The following DPYD variants were observed in gnomAD, a reference collection of about 807,000 sequenced individuals.
DPYD encodes the protein dihydropyrimidine dehydrogenase.
A neutral mutation model predicts 116.2 loss-of-function variants in DPYD; 109 were observed. That is an observed-to-expected ratio of 0.94 (90% CI 0.80 to 1.10). The LOEUF (loss-of-function observed/expected upper bound fraction) is 1.10, where lower values mean the gene tolerates loss of function less well. Ranked by LOEUF, DPYD falls within the 50% of genes least tolerant of loss-of-function variation. The pLI, the probability that DPYD is intolerant of heterozygous loss-of-function variation, is 0.00. For synonymous variants in DPYD, 440 were observed against 432.0 expected, an observed-to-expected ratio of 1.02 and a Z score of -0.23; for missense variants, 1,302 against 1,254.5, an observed-to-expected ratio of 1.04 and a Z score of -0.57.
chr1:97,914,166 T>C (rs867127581), intron 1 of DPYD, among the ~76,000 whole-genome samples: 3 of 152,222 alleles, frequency 2.0e-5, no homozygotes, highest in Middle Eastern at 6.8e-3. Context: ...GAAATTATTA[T>C]AGCTAGTATA....
At chr1:97,280,301 T>A (rs1665237646) in intron 18 of DPYD, 1 of 151,954 alleles carries the variant, frequency 6.6e-6, no homozygotes. Flanking sequence ...TATATACGCA[T>A]TGAAGGGAAA....
At chr1:97,407,175 TTAA>T (rs1484376704) in intron 14 of DPYD, among the ~76,000 whole-genome samples, 2 of 151,964 alleles carry the variant, frequency 1.3e-5, no homozygotes, top group Non-Finnish European at 2.9e-5. Context: ...AAAAAAGAGG[TTAA>T]TAATAAAATA....
chr1:97,490,849 G>T (rs1477578738), intron 13 of DPYD, among the ~76,000 whole-genome samples: 1 of 148,872 alleles, frequency 6.7e-6, no homozygotes, highest in Non-Finnish European at 1.5e-5. Context: ...CCAAAAAACT[G>T]ATTTTCAAGC....
At chr1:97,845,618 C>T (rs1246329892) in intron 2 of DPYD, among the ~76,000 whole-genome samples, 1 of 152,174 alleles carries the variant, frequency 6.6e-6, no homozygotes, top group Non-Finnish European at 1.5e-5. Context: ...GGGACAAGAA[C>T]TCAGGACCCA....
intron 19 of DPYD, among the ~76,000 whole-genome samples, chr1:97,225,218 T>G (rs1661058859): frequency 6.6e-6 from 1 of 152,076 alleles, no homozygotes; most frequent in Non-Finnish European, 1.5e-5. Flanking sequence ...TCCCCAACAA[T>G]GAACAAAAGT....
intron 12 of DPYD, among the ~76,000 whole-genome samples, chr1:97,529,635 T>C (rs76198425): frequency 0.014 from 2,126 of 152,218 alleles, 15 homozygotes; most frequent in Middle Eastern, 0.027. Flanking sequence ...TGTCCCTTTA[T>C]TGTTGCTTAC....
intron 1 of DPYD, among the ~76,000 whole-genome samples, chr1:97,907,237 G>A (rs1419834199): frequency 2.6e-5 from 4 of 152,058 alleles, no homozygotes; most frequent in African/African-American, 9.7e-5. Context: ...GCAAAAATTG[G>A]ATGAAGGGGA....
In DPYD at chr1:97,731,237, A is replaced by T. The variant is rs367725870; in HGVS notation, c.321+9155T>A. On this transcript the variant is annotated intron_variant, in intron 4 of 22. Transcript: ENST00000370192. ...GAGAATATGAGCAATTCCTTAATTG[A>T]CAGACTGTTGTGATGCATAGTACAG... Among the ~76,000 whole-genome samples, 32 of 152,196 alleles carry T rather than the reference A, an allele frequency of 2.1e-4. No individual in the cohort carries two copies. In the East Asian group the frequency reaches 4.6e-3, roughly 22 times the overall value.
intron 3 of DPYD, among the ~76,000 whole-genome samples, chr1:97,783,049 C>T (rs1666842411): frequency 6.6e-6 from 1 of 152,128 alleles, no homozygotes; most frequent in Admixed American, 6.5e-5. Context: ...TGTTATAATC[C>T]CTGTGTTACT....
At chr1:97,781,490 A>G (rs894588802) in intron 3 of DPYD, among the ~76,000 whole-genome samples, 3 of 152,192 alleles carry the variant, frequency 2.0e-5, no homozygotes, top group African/African-American at 2.4e-5. Context: ...ACATAAAGAC[A>G]TCCTTTCAAC....
intron 13 of DPYD, among the ~76,000 whole-genome samples, chr1:97,498,073 T>C (rs541563144): frequency 2.0e-5 from 3 of 151,940 alleles, no homozygotes; most frequent in South Asian, 2.1e-4. Context: ...TAAAGTCATA[T>C]ATTATATGAT....
intron 14 of DPYD, among the ~76,000 whole-genome samples, chr1:97,405,401 T>C (rs1276628191): frequency 3.9e-5 from 6 of 152,148 alleles, no homozygotes; most frequent in Non-Finnish European, 8.8e-5. Context: ...TCAATGTTTG[T>C]TTGTCTGAGA....
rs1220879125 is a variant in DPYD at position 97,483,973 on chromosome 1, TCTGA to T, written c.1740+31749_1740+31752del. Reference sequence around the variant, plus strand: ...AAAGTGAATGAACTAAGACATGACATCTGACTGATATTTTGGTTGGTATAGAATT... The same window carrying T: ...AAAGTGAATGAACTAAGACATGACATCTGATATTTTGGTTGGTATAGAATT... On this transcript the variant is annotated intron_variant, in intron 13 of 22. Transcript: ENST00000370192. Among the ~76,000 whole-genome samples, 14 of 152,292 alleles carry T rather than the reference TCTGA, an allele frequency of 9.2e-5. No individual in the cohort carries two copies. In the East Asian group the frequency reaches 2.7e-3, roughly 29 times the overall value.
intron 12 of DPYD, among the ~76,000 whole-genome samples, chr1:97,525,262 G>T (rs1648968861): frequency 6.6e-6 from 1 of 151,958 alleles, no homozygotes; most frequent in Admixed American, 6.5e-5. Context: ...TGTGGTGATG[G>T]TTGCATGACT....
intron 8 of DPYD, among the ~76,000 whole-genome samples, chr1:97,615,772 A>AAG (rs1374680536): frequency 6.6e-6 from 1 of 152,098 alleles, no homozygotes; most frequent in Non-Finnish European, 1.5e-5. Flanking sequence ...CAAGGAATAT[A>AAG]AGGCCCTTCA....
chr1:97,102,394 A>G (rs1443479213), intron 20 of DPYD, among the ~76,000 whole-genome samples: 1 of 22,778 alleles, frequency 4.4e-5, no homozygotes, highest in Non-Finnish European at 9.0e-5. Flanking sequence ...ATCACTCAGT[A>G]TCATATATAT....
intron 8 of DPYD, among the ~76,000 whole-genome samples, chr1:97,598,043 A>G (rs912131321): frequency 6.6e-6 from 1 of 152,204 alleles, no homozygotes; most frequent in African/African-American, 2.4e-5. Context: ...GAGCTGGCAC[A>G]TCGTGAATAC....
chr1:97,249,687 C>T (rs1662955723), intron 18 of DPYD, among the ~76,000 whole-genome samples: 1 of 151,926 alleles, frequency 6.6e-6, no homozygotes, highest in Non-Finnish European at 1.5e-5. Context: ...TATATTCACA[C>T]ACATATATTT....
At chr1:97,429,487 G>T (rs1402368754) in intron 14 of DPYD, among the ~76,000 whole-genome samples, 3 of 152,034 alleles carry the variant, frequency 2.0e-5, no homozygotes, top group African/African-American at 7.2e-5. Flanking sequence ...AATATGATTA[G>T]GTATATGGTA....
Sources: gnomAD v4.1 joint callset for allele counts (sites outside exome capture counted in the v4.1 genomes callset) on GRCh38, gnomAD v4.1.1 for gene constraint, MANE v1.5 for transcripts, NCBI Gene and HGNC (gene_info 2026-07-23, HGNC 2026-07-21) for gene names.